Variants in NCAM2 observed in about 807,000 individuals in gnomAD.
The protein encoded by NCAM2 is neural cell adhesion molecule 2.
Under a neutral mutation model 98.1 loss-of-function variants are expected in NCAM2, and 30 were observed. That is an observed-to-expected ratio of 0.31 (90% confidence interval 0.23 to 0.41). NCAM2 has a LOEUF of 0.41. NCAM2 is among the 10% of genes least tolerant of loss of function. NCAM2 has a pLI of 1.00. For synonymous variants in NCAM2, 368 were observed against 342.4 expected, an observed-to-expected ratio of 1.07 and a Z score of -0.83; for missense variants, 867 against 1,005.8, an observed-to-expected ratio of 0.86 and a Z score of 1.87.
chr21:21,529,859 T>C (rs914741506), intron 16 of NCAM2, among the ~76,000 whole-genome samples: 1 of 151,192 alleles, frequency 6.6e-6, no homozygotes, highest in Non-Finnish European at 1.5e-5. Context: ...AATTTATATT[T>C]AATAATATCA....
chr21:21,429,519 T>G (rs1323379355), intron 11 of NCAM2, among the ~76,000 whole-genome samples: 4 of 152,304 alleles, frequency 2.6e-5, no homozygotes, highest in East Asian at 3.9e-4. Context: ...CAGCACAGAT[T>G]GAAGAATTGG....
At chr21:21,107,865 A>G (rs1199230592) in intron 1 of NCAM2, among the ~76,000 whole-genome samples, 1 of 152,106 alleles carries the variant, frequency 6.6e-6, no homozygotes, top group Non-Finnish European at 1.5e-5. Context: ...TAGTGGGAGA[A>G]GAATTATATA....
intron 9 of NCAM2, chr21:21,385,554 G>A: frequency 1.2e-6 from 1 of 869,474 alleles, no homozygotes; most frequent in Non-Finnish European, 1.6e-6. Context: ...TAAACTTAAG[G>A]TGTTAGAAAA....
At chr21:21,354,099 A>G (rs542249122) in intron 8 of NCAM2, among the ~76,000 whole-genome samples, 3 of 152,270 alleles carry the variant, frequency 2.0e-5, no homozygotes, top group Non-Finnish European at 2.9e-5. Context: ...AATGTTTTAT[A>G]TCATAAATAT....
rs574683351 is a variant in NCAM2, at chr21:21,440,886, T to C, written c.1654+8605T>C. On this transcript the variant is annotated intron_variant, in intron 12 of 17. Transcript: ENST00000400546. ...CTTAGTAAACATTTTAGATGAATTTTACTTTTCTGTTTGTTTAAGACAATT... is the reference window on the plus strand; with the variant it reads ...CTTAGTAAACATTTTAGATGAATTTCACTTTTCTGTTTGTTTAAGACAATT... Among the ~76,000 whole-genome samples, 4 of 152,346 alleles carry C rather than the reference T, an allele frequency of 2.6e-5. No individual in the cohort carries two copies. In the East Asian group the frequency reaches 5.8e-4, roughly 22 times the overall value.
chr21:21,184,834 A>C (rs2068587881), intron 1 of NCAM2, among the ~76,000 whole-genome samples: 1 of 152,124 alleles, frequency 6.6e-6, no homozygotes, highest in African/African-American at 2.4e-5. Context: ...GAGAAAATGA[A>C]TTTTATTATT....
intron 5 of NCAM2, among the ~76,000 whole-genome samples, chr21:21,302,773 T>C (rs1219452975): frequency 1.3e-5 from 2 of 152,106 alleles, no homozygotes; most frequent in African/African-American, 4.8e-5. Flanking sequence ...GGAATATAGA[T>C]CATTATACCA....
chr21:21,237,699 A>G (rs747664875), intron 1 of NCAM2, among the ~76,000 whole-genome samples: 1 of 152,036 alleles, frequency 6.6e-6, no homozygotes, highest in African/African-American at 2.4e-5. Context: ...AATTTTAGTA[A>G]AGGTAAATTC....
intron 1 of NCAM2, among the ~76,000 whole-genome samples, chr21:21,119,647 A>C (rs2066632086): frequency 1.3e-5 from 2 of 152,196 alleles, no homozygotes; most frequent in African/African-American, 4.8e-5. Flanking sequence ...GAAATAATGC[A>C]GATTTCTTAA....
intron 1 of NCAM2, among the ~76,000 whole-genome samples, chr21:21,255,107 C>A (rs56692595): frequency 0.017 from 2,646 of 152,190 alleles, 78 homozygotes; most frequent in African/African-American, 0.061. Context: ...TTGGGAAGGG[C>A]ACAGGTTAAA....
intron 1 of NCAM2, among the ~76,000 whole-genome samples, chr21:21,197,224 G>A (rs1286917988): frequency 6.6e-6 from 1 of 152,158 alleles, no homozygotes; most frequent in African/African-American, 2.4e-5. Context: ...CTGCCTCCCG[G>A]GTTCAAGCGA....
At chr21:21,173,156 T>G (rs2068176749) in intron 1 of NCAM2, among the ~76,000 whole-genome samples, 1 of 152,174 alleles carries the variant, frequency 6.6e-6, no homozygotes, top group Admixed American at 6.5e-5. Context: ...ATTCCTTTTT[T>G]TGTGTATTTA....
intron 1 of NCAM2, among the ~76,000 whole-genome samples, chr21:21,166,141 A>G (rs970498667): frequency 3.3e-4 from 50 of 152,372 alleles, no homozygotes; most frequent in Admixed American, 2.6e-4. Context: ...TAGGGCATAC[A>G]GCTTCCTGTT....
chr21:21,280,569 T>A lies in NCAM2; in HGVS notation c.56-9T>A, dbSNP rs749523599. 1 of 1,576,604 alleles carries A rather than the reference T, an allele frequency of 6.3e-7. No homozygotes were observed. The highest frequency in any genetic ancestry group is 1.2e-5 in the South Asian group (1 of 85,564). The stretch of plus-strand genomic sequence containing the variant: ...AATCACCATTAATTGTTTCCCAATT[T>A]TTTTTCAGCTCTTCTTCAAGTGACA... On this transcript the variant is annotated splice_polypyrimidine_tract_variant and intron_variant, in intron 1 of 17. Coordinates refer to ENST00000400546, the MANE Select transcript of NCAM2 (RefSeq NM_004540.5).
chr21:21,256,419 TG>T (rs1361542029), intron 1 of NCAM2, among the ~76,000 whole-genome samples: 2 of 152,194 alleles, frequency 1.3e-5, no homozygotes, highest in African/African-American at 4.8e-5. Context: ...TAGACACTAC[TG>T]GGGACCAGGC....
intron 1 of NCAM2, among the ~76,000 whole-genome samples, chr21:21,260,916 T>G (rs1173315447): frequency 6.6e-6 from 1 of 151,948 alleles, no homozygotes; most frequent in Non-Finnish European, 1.5e-5. Context: ...ATTGGCAAAT[T>G]GGATTAAAAA....
intron 1 of NCAM2, among the ~76,000 whole-genome samples, chr21:21,161,206 C>T (rs1217075460): frequency 6.6e-6 from 1 of 151,472 alleles, no homozygotes; most frequent in Non-Finnish European, 1.5e-5. Context: ...GATCAATAAT[C>T]TTAAGACAGA....
At chr21:21,455,094 T>C (rs1216506688) in intron 12 of NCAM2, among the ~76,000 whole-genome samples, 1 of 151,524 alleles carries the variant, frequency 6.6e-6, no homozygotes, top group Non-Finnish European at 1.5e-5. Flanking sequence ...GGGAAGATTA[T>C]ATGTGTTTTT....
At chr21:21,400,753 G>A (rs60579825) in intron 9 of NCAM2, among the ~76,000 whole-genome samples, 12,629 of 151,874 alleles carry the variant, frequency 0.083, 1,219 homozygotes, top group African/African-American at 0.23. Context: ...AAACATATGC[G>A]TATCAATGCC....
Sources: gnomAD v4.1 joint callset for allele counts (sites outside exome capture counted in the v4.1 genomes callset) on GRCh38, gnomAD v4.1.1 for gene constraint, MANE v1.5 for transcripts, NCBI Gene and HGNC (gene_info 2026-07-23, HGNC 2026-07-21) for gene names.